Variants in SLC1A7 observed in about 807,000 individuals in gnomAD.
SLC1A7 encodes the protein excitatory amino acid transporter 5.
Under a neutral mutation model 47.7 loss-of-function variants are expected in SLC1A7, and 40 were observed. The observed-to-expected ratio is 0.84, with a 90% CI of 0.65 to 1.09. The LOEUF is 1.09. SLC1A7 is among the 50% of genes least tolerant of loss of function. The pLI is 0.00. For missense variants in SLC1A7, 746 were observed against 769.5 expected (o/e 0.97, Z 0.36); for synonymous variants, 323 against 325.6 (o/e 0.99, Z 0.09).
chr1:53,132,048 T>C (rs1223057936), intron 2 of SLC1A7, among the ~76,000 whole-genome samples: 2 of 151,936 alleles, frequency 1.3e-5, no homozygotes, highest in Non-Finnish European at 2.9e-5. Flanking sequence ...GGCCCTGAGA[T>C]GGTAAGGGCT....
chr1:53,136,652 TTATA>T (rs1272644359), intron 1 of SLC1A7, among the ~76,000 whole-genome samples: 2 of 42,054 alleles, frequency 4.8e-5, no homozygotes, highest in Non-Finnish European at 8.1e-5. Flanking sequence ...CATATATATA[TTATA>T]TATATATATA....
In SLC1A7 at chr1:53,134,335, A is replaced by G. The variant is rs1295214725; in HGVS notation, c.215+15T>C. On this transcript the variant is annotated intron_variant, in intron 2 of 10. Coordinates refer to ENST00000371494, the MANE Select transcript of SLC1A7 (RefSeq NM_006671.6). ...CTCCTGGTTCCGGACCACCTGGTCA[A>G]ACCCCCGCTCTCACCTGGAGACCAC... The G allele has an allele frequency of 5.0e-6, 8 of 1,606,638 alleles. No homozygotes were observed. The highest frequency in any genetic ancestry group is 1.7e-4 in the Middle Eastern group (1 of 5,984).
intron 5 of SLC1A7, 173 bp downstream of exon 5, chr1:53,103,173 G>C: frequency 1.8e-6 from 1 of 556,948 alleles, no homozygotes; most frequent in South Asian, 2.5e-5. Flanking sequence ...CCCCTGGGGT[G>C]GGGTGGGGAG....
intron 2 of SLC1A7, among the ~76,000 whole-genome samples, chr1:53,119,048 A>T (rs181901738): frequency 2.3e-5 from 3 of 131,628 alleles, no homozygotes; most frequent in Non-Finnish European, 3.2e-5. Context: ...TAAATTAAAT[A>T]AAAGTTCAGT....
At chr1:53,114,709 C>A (rs1252029081) in intron 3 of SLC1A7, 49 bp downstream of exon 3, 18 of 1,541,396 alleles carry the variant, frequency 1.2e-5, no homozygotes, top group Non-Finnish European at 1.3e-5. Context: ...CCTGGCAGGG[C>A]AGGCTCGGGC....
chr1:53,114,732 A>T (rs778014997), intron 3 of SLC1A7, 26 bp downstream of exon 3: 2 of 1,603,424 alleles, frequency 1.2e-6, no homozygotes, highest in Non-Finnish European at 1.7e-6. Flanking sequence ...GGCGTTCCCA[A>T]GCGGGGTGTG....
chr1:53,124,283 C>A (rs1393364827), intron 2 of SLC1A7, among the ~76,000 whole-genome samples: 3 of 148,168 alleles, frequency 2.0e-5, no homozygotes, highest in Admixed American at 1.3e-4. Context: ...CACACACACA[C>A]ACACACAACA....
chr1:53,090,066 C>T (rs886104913), intron 8 of SLC1A7, 132 bp from the exon 9 acceptor site: 2 of 907,930 alleles, frequency 2.2e-6, no homozygotes, highest in African/African-American at 3.3e-5. Flanking sequence ...GGTAGGAATG[C>T]CACACCAGGG....
chr1:53,107,675 CT>C (rs1644658955), intron 3 of SLC1A7, among the ~76,000 whole-genome samples: 1 of 152,192 alleles, frequency 6.6e-6, no homozygotes, highest in Admixed American at 6.5e-5. Flanking sequence ...CTACTAAGAG[CT>C]TTTACAAATC....
At chr1:53,104,548 A>G (rs1189864044) in intron 4 of SLC1A7, among the ~76,000 whole-genome samples, 2 of 152,262 alleles carry the variant, frequency 1.3e-5, no homozygotes, top group East Asian at 1.9e-4. Flanking sequence ...GTTACAGAGT[A>G]GAGCAACATT....
Position 53,090,810 on chromosome 1 carries a change from C to A in SLC1A7, c.1032-4G>T, listed in dbSNP as rs369146208. 4.4e-6 allele frequency: 7 copies of A among 1,607,820 alleles called. No homozygotes were observed. In the Admixed American group the frequency reaches 5.1e-5, roughly 12 times the overall value. Reference sequence around the variant, plus strand: ...GGTGATGGGCAGTGTGGCTGAGCTACGGTTAGAGGGGCCGGTGTCTGCCCA... The same window carrying A: ...GGTGATGGGCAGTGTGGCTGAGCTAAGGTTAGAGGGGCCGGTGTCTGCCCA... On this transcript the variant is annotated splice_region_variant and splice_polypyrimidine_tract_variant and intron_variant, in intron 7 of 10. Coordinates refer to ENST00000371494, the MANE Select transcript of SLC1A7 (RefSeq NM_006671.6).
In SLC1A7 at chr1:53,088,754, G is replaced by A. The variant is rs1202333527; in HGVS notation, c.1464+123C>T. The A allele has an allele frequency of 4.2e-6, 3 of 720,396 alleles. No individual in the cohort carries two copies. The East Asian group carries it at 8.0e-5, about 19-fold the overall frequency. The allele number at this position is 720,396 out of a possible 1,614,324, so 44.6% of individuals were successfully genotyped here. On this transcript the variant is annotated intron_variant, in intron 10 of 10. Coordinates refer to ENST00000371494, the MANE Select transcript of SLC1A7 (RefSeq NM_006671.6). ...TTCTGTAACGGATGAGGAGACCGAG[G>A]CCCAGAGGCATGGAGGGAGGGATTG...
intron 5 of SLC1A7, among the ~76,000 whole-genome samples, chr1:53,098,583 G>A (rs3766773): frequency 0.066 from 9,686 of 147,218 alleles, 702 homozygotes; most frequent in East Asian, 0.25. Context: ...ACCCTGCCTC[G>A]GTACACACAT....
At chr1:53,124,770 C>T (rs1245777783) in intron 2 of SLC1A7, among the ~76,000 whole-genome samples, 1 of 152,232 alleles carries the variant, frequency 6.6e-6, no homozygotes, top group Non-Finnish European at 1.5e-5. Context: ...ACCACAGTCC[C>T]GAGGCAGGGC....
At chr1:53,089,556 G>A (rs922593818) in intron 9 of SLC1A7, among the ~76,000 whole-genome samples, 3 of 152,176 alleles carry the variant, frequency 2.0e-5, no homozygotes, top group South Asian at 2.1e-4. Context: ...ACATATAGGC[G>A]TGAGTCATCA....
chr1:53,087,663 G>A lies in SLC1A7; in HGVS notation c.*346C>T, dbSNP rs1039472030. The A allele has an allele frequency of 2.7e-5, 5 of 185,916 alleles. No homozygotes were observed. Among genetic ancestry groups the A allele is most frequent in the African/African-American group, 1.2e-4 (5 of 42,970 alleles). The allele number at this position is 185,916 out of a possible 1,614,324, so 11.5% of individuals were successfully genotyped here. A position where few individuals can be genotyped will look rare whatever the true frequency, so the allele number is the denominator to read the frequency against. ...AGTTAGTGTCTTGACCTTAACGTGA[G>A]ACCTTGGACAAGTGTTTTCAGCTCT... On this transcript the variant is annotated 3_prime_UTR_variant, in exon 11 of 11. Transcript: ENST00000371494.
At position 53,092,659 on chromosome 1, in the gene SLC1A7, A is replaced by G; in HGVS notation, c.926T>C (p.Leu309Pro). ...GAAGTAGAGCAGGGGCAGGATAAAG[A>G]GCCCGTGGAGCACCAGCCCGCACAC... Reference protein sequence around the residue: ...TVVCGLVLHGLFILPLLYFFI... With the variant: ...TVVCGLVLHGPFILPLLYFFI... Residue 309 changes from leucine to proline, a missense_variant, in exon 7 of 11, where the codon CTC (leucine) becomes CCC (proline). Coordinates refer to ENST00000371494, the MANE Select transcript of SLC1A7 (RefSeq NM_006671.6). 3 of 1,614,090 alleles carry G rather than the reference A, an allele frequency of 1.9e-6. No individual in the cohort carries two copies. The highest frequency in any genetic ancestry group is 2.2e-5 in the South Asian group (2 of 91,080).
At chr1:53,134,470 A>T in intron 1 of SLC1A7, 41 bp from the exon 2 acceptor site, 1 of 1,326,160 alleles carries the variant, frequency 7.5e-7, no homozygotes, top group East Asian at 2.3e-5. Flanking sequence ...CAAGAGATGC[A>T]GACTGCACAG....
intron 3 of SLC1A7, 43 bp downstream of exon 3, chr1:53,114,715 C>T (rs374351928): frequency 4.5e-5 from 70 of 1,564,654 alleles, no homozygotes; most frequent in African/African-American, 2.0e-4. Flanking sequence ...AGGGCAGGCT[C>T]GGGCCTGGCG....
Sources: allele counts gnomAD v4.1 joint callset (sites outside exome capture counted in the v4.1 genomes callset), GRCh38; gene constraint gnomAD v4.1.1; transcripts MANE v1.5; gene names NCBI Gene and HGNC (gene_info 2026-07-23, HGNC 2026-07-21).